Variants in DMD observed in about 807,000 individuals in gnomAD.
DMD encodes the protein mutant dystrophin.
In DMD, 63 loss-of-function variants were observed where a neutral mutation model predicts 330.1. That is an observed-to-expected ratio of 0.19 (90% confidence interval 0.16 to 0.24). DMD has a LOEUF of 0.24. Ranked by LOEUF, DMD falls within the 10% of genes least tolerant of loss-of-function variation. DMD has a pLI of 1.00. For missense variants in DMD, 3,344 were observed against 2,684.1 expected, an observed-to-expected ratio of 1.25 and a Z score of -5.43; for synonymous variants, 1,223 against 959.8, an observed-to-expected ratio of 1.27 and a Z score of -5.07.
chrX:32,817,284 C>T (rs1025616609), intron 5 of DMD, among the ~76,000 whole-genome samples: 5 of 110,512 alleles, frequency 4.5e-5, no homozygotes, highest in East Asian at 2.8e-4. Context: ...AGAAAAAAAA[C>T]AACAAAGGAA....
intron 61 of DMD, among the ~76,000 whole-genome samples, chrX:31,332,256 A>G (rs1212691647): frequency 8.9e-6 from 1 of 112,304 alleles, no homozygotes; most frequent in East Asian, 2.8e-4. Flanking sequence ...CACAGCCTAG[A>G]GGCGAACCCA....
chrX:32,698,079 G>A, intron 8 of DMD, 81 bp from the exon 9 acceptor site: 5 of 992,637 alleles, frequency 5.0e-6, no homozygotes, highest in Non-Finnish European at 6.9e-6. Context: ...TTTCCAACAT[G>A]GTAGAAAACA....
chrX:33,042,758 GT>G lies in DMD; in HGVS notation c.32-22559del, dbSNP rs753480528. Among the ~76,000 whole-genome samples, 479 of 112,000 alleles carry G rather than the reference GT, an allele frequency of 4.3e-3. 3 individuals are homozygous for G. Among genetic ancestry groups the G allele is most frequent in the African/African-American group, 0.015 (454 of 30,850 alleles). ...TGTTGTTGTTTTAGCTGTTGTTTGT[GT>G]TTTTTATTCTTTCTGCATTTTTCTT... On this transcript the variant is annotated intron_variant, in intron 1 of 78. Transcript: ENST00000357033.
At chrX:33,161,056 T>A (rs764480757) in intron 1 of DMD, among the ~76,000 whole-genome samples, 1 of 111,943 alleles carries the variant, frequency 8.9e-6, no homozygotes, top group African/African-American at 3.2e-5. Context: ...TTGTTGCATA[T>A]GAAATACGTC....
chrX:31,894,595 G>A (rs1384328919), intron 47 of DMD, among the ~76,000 whole-genome samples: 2 of 112,168 alleles, frequency 1.8e-5, no homozygotes, highest in Non-Finnish European at 3.8e-5. Flanking sequence ...GAAAGGGAAA[G>A]GAACATTCCT....
chrX:32,264,252 G>A (rs1157177665), intron 43 of DMD, among the ~76,000 whole-genome samples: 2 of 111,661 alleles, frequency 1.8e-5, no homozygotes, highest in Non-Finnish European at 3.8e-5. Context: ...GACAAAGGAT[G>A]TGTTTGCTTC....
chrX:32,692,966 CAAT>C (rs1349108420), intron 9 of DMD, among the ~76,000 whole-genome samples: 6 of 111,853 alleles, frequency 5.4e-5, no homozygotes, highest in African/African-American at 2.0e-4. Flanking sequence ...GAAACAGTTT[CAAT>C]AATACACATG....
At chrX:31,183,869 A>T (rs779279187) in intron 67 of DMD, among the ~76,000 whole-genome samples, 258 of 71,195 alleles carry the variant, frequency 3.6e-3, no homozygotes, top group South Asian at 6.1e-3. Flanking sequence ...TCCTTTTTTT[A>T]AAAAAAAAAT....
rs559124152 is a variant in DMD at position 33,240,391 on chromosome X, T to C, written c.7+98868A>G. Among the ~76,000 whole-genome samples the C allele has an allele frequency of 1.0e-3, 116 of 112,078 alleles. No individual in the cohort carries two copies. The South Asian group carries it at 0.014, about 13-fold the overall frequency. On this transcript the variant is annotated intron_variant, in intron 1 of 17. Transcript: ENST00000288447. ...CATTCATGTTGCTGCAAATGGCAGGTTTCATTCTCTTCATGGATGAACAGT... is the reference window on the plus strand; with the variant it reads ...CATTCATGTTGCTGCAAATGGCAGGCTTCATTCTCTTCATGGATGAACAGT...
intron 9 of DMD, among the ~76,000 whole-genome samples, chrX:32,645,920 A>T (rs1386356315): frequency 1.8e-5 from 2 of 111,954 alleles, no homozygotes; most frequent in Non-Finnish European, 3.8e-5. Context: ...GAGAAGATCC[A>T]GGGTACCTGT....
chrX:32,813,107 T>C (rs953712961), intron 6 of DMD, among the ~76,000 whole-genome samples: 6 of 111,866 alleles, frequency 5.4e-5, no homozygotes, highest in African/African-American at 1.9e-4. Context: ...GGATATCTTA[T>C]CTAAGTCATA....
chrX:32,586,916 C>A (rs1019217682), intron 13 of DMD, among the ~76,000 whole-genome samples: 11 of 111,368 alleles, frequency 9.9e-5, no homozygotes, highest in African/African-American at 3.6e-4. Context: ...TCTTGGGCAA[C>A]AAATGTTGAT....
intron 71 of DMD, among the ~76,000 whole-genome samples, chrX:31,177,034 C>G (rs768618640): frequency 1.4e-4 from 16 of 111,382 alleles, no homozygotes; most frequent in Non-Finnish European, 2.8e-4. Context: ...GTCATTTCCC[C>G]TTTATCCATA....
At chrX:31,738,887 C>T (rs186923944) in intron 51 of DMD, among the ~76,000 whole-genome samples, 2 of 111,823 alleles carry the variant, frequency 1.8e-5, no homozygotes, top group African/African-American at 6.5e-5. Context: ...AACAATTGAA[C>T]TCATGGACAT....
At chrX:32,310,322 G>T (rs1009020020) in intron 41 of DMD, 46 bp from the exon 42 acceptor site, 2 of 1,025,620 alleles carry the variant, frequency 2.0e-6, no homozygotes, top group Admixed American at 2.3e-5. Flanking sequence ...CTTCCTAACA[G>T]TGAAACCTCC....
At chrX:33,318,439 T>C (rs1329345151) in intron 1 of DMD, among the ~76,000 whole-genome samples, 1 of 109,496 alleles carries the variant, frequency 9.1e-6, no homozygotes, top group Non-Finnish European at 1.9e-5. Flanking sequence ...ACACATTTAA[T>C]TACTCAGTGT....
rs1461844354 is a variant in DMD, at chrX:31,284,224, A to G, written c.9225-23208T>C. Among the ~76,000 whole-genome samples, 4 of 111,668 alleles carry G rather than the reference A, an allele frequency of 3.6e-5. No homozygotes were observed. The Admixed American group carries it at 3.8e-4, about 11-fold the overall frequency. ...ACTGAATGTGTATCACTTTTGCAGC[A>G]TTATCAAGTAAAAAAATCCTAAATC... is the stretch of plus-strand genomic sequence containing the variant. On this transcript the variant is annotated intron_variant, in intron 62 of 78. Transcript: ENST00000357033.
intron 9 of DMD, among the ~76,000 whole-genome samples, chrX:32,666,302 C>A (rs1462881802): frequency 9.0e-6 from 1 of 110,595 alleles, no homozygotes; most frequent in African/African-American, 3.3e-5. Flanking sequence ...AACCCGTCAT[C>A]CAGGTTTTAA....
intron 51 of DMD, among the ~76,000 whole-genome samples, chrX:31,737,103 G>A (rs927519459): frequency 2.7e-5 from 3 of 111,626 alleles, no homozygotes; most frequent in Non-Finnish European, 3.8e-5. Context: ...TACTAGTAAA[G>A]AAAATGAATG....
Sources: allele counts gnomAD v4.1 joint callset (sites outside exome capture counted in the v4.1 genomes callset), GRCh38; gene constraint gnomAD v4.1.1; transcripts MANE v1.5; gene names NCBI Gene and HGNC (gene_info 2026-07-23, HGNC 2026-07-21).